Variants in EML6 observed in about 807,000 individuals in gnomAD.
EML6 encodes EMAP like 6.
EML6 carries 154 observed loss-of-function variants against 240.1 expected under a neutral mutation model. The ratio of observed to expected loss-of-function variants is 0.64; its 90% CI spans 0.56 to 0.73. The LOEUF is 0.73. EML6 is among the 30% of genes least tolerant of loss of function. The probability of loss-of-function intolerance (pLI) is 0.00; values close to 1 mark genes in which losing one functional copy is unlikely to be tolerated. For synonymous variants in EML6, 1,148 were observed against 899.0 expected (o/e 1.28, Z -4.95); for missense variants, 2,964 against 2,474.6 (o/e 1.20, Z -4.20).
intron 2 of EML6, among the ~76,000 whole-genome samples, chr2:54,734,230 C>T (rs1391573996): frequency 2.0e-5 from 3 of 152,160 alleles, no homozygotes; most frequent in Non-Finnish European, 2.9e-5. Context: ...CCCAGCTACT[C>T]AAGAGGCTGA....
In EML6 at chr2:54,895,186, C is replaced by T. The variant is rs543338304; in HGVS notation, c.2855-87C>T. ...AATGTCAAGGCTGACTGCCTAGTACCTAGTTCTTTGGAGCTATAAAAATTG... is the reference window on the plus strand; with the variant it reads ...AATGTCAAGGCTGACTGCCTAGTACTTAGTTCTTTGGAGCTATAAAAATTG... On this transcript the variant is annotated intron_variant, in intron 20 of 41. Transcript: ENST00000356458. 12 of 1,437,618 alleles carry T rather than the reference C, an allele frequency of 8.3e-6. No homozygotes were observed. The South Asian group carries it at 1.5e-4, about 18-fold the overall frequency. 89.1% of individuals were successfully genotyped at this position (1,437,618 alleles called of 1,614,324 possible).
intron 18 of EML6, among the ~76,000 whole-genome samples, chr2:54,892,096 C>G (rs977426765): frequency 2.0e-5 from 3 of 152,180 alleles, no homozygotes; most frequent in Non-Finnish European, 1.5e-5. Context: ...TTTCTCTTGG[C>G]TGACACAGAA....
chr2:54,837,518 G>A (rs1473378812), intron 7 of EML6, among the ~76,000 whole-genome samples: 1 of 152,142 alleles, frequency 6.6e-6, no homozygotes, highest in Non-Finnish European at 1.5e-5. Flanking sequence ...CCACCTGCAG[G>A]GCTTGCTTGT....
At chr2:54,727,148 T>C (rs1682943010) in intron 2 of EML6, among the ~76,000 whole-genome samples, 1 of 152,208 alleles carries the variant, frequency 6.6e-6, no homozygotes, top group South Asian at 2.1e-4. Flanking sequence ...GTGATGTGTA[T>C]AACTGGGTTT....
chr2:54,751,616 A>C (rs539576489), intron 2 of EML6, among the ~76,000 whole-genome samples: 1 of 152,342 alleles, frequency 6.6e-6, no homozygotes, highest in East Asian at 1.9e-4. Flanking sequence ...TATCCTTATC[A>C]AACTTTAGAC....
intron 32 of EML6, among the ~76,000 whole-genome samples, chr2:54,954,393 G>A (rs772428325): frequency 2.0e-5 from 3 of 152,168 alleles, no homozygotes; most frequent in Non-Finnish European, 4.4e-5. Flanking sequence ...CATTAGTGAA[G>A]GGGCTCTGAG....
chr2:54,836,591 G>A (rs558840867), intron 7 of EML6, among the ~76,000 whole-genome samples: 1 of 152,140 alleles, frequency 6.6e-6, no homozygotes, highest in East Asian at 1.9e-4. Context: ...ACTCTGTGGT[G>A]GCCTTTGTGG....
intron 2 of EML6, among the ~76,000 whole-genome samples, chr2:54,768,685 C>G (rs971037781): frequency 1.3e-5 from 2 of 152,126 alleles, no homozygotes; most frequent in Non-Finnish European, 2.9e-5. Flanking sequence ...TGATCTTGGG[C>G]AAGCCATTAT....
intron 2 of EML6, among the ~76,000 whole-genome samples, chr2:54,811,772 T>A (rs1267634074): frequency 6.6e-6 from 1 of 152,214 alleles, no homozygotes; most frequent in Non-Finnish European, 1.5e-5. Flanking sequence ...CTAGGTACTT[T>A]GAAATACCAG....
intron 17 of EML6, chr2:54,880,413 A>T (rs1271966560): frequency 6.6e-6 from 1 of 152,178 alleles, no homozygotes; most frequent in Non-Finnish European, 1.5e-5. Context: ...TTTTGAAGTT[A>T]ATAGCCTTGA....
Position 54,866,950 on chromosome 2 carries a change from G to A in EML6, c.2051+66G>A, listed in dbSNP as rs1023299820. On this transcript the variant is annotated intron_variant, in intron 14 of 41. Coordinates refer to ENST00000356458, the MANE Select transcript of EML6 (RefSeq NM_001039753.4). The stretch of plus-strand genomic sequence containing the variant: ...CTCTGCCTGGCTGTCACCAACCTTA[G>A]CACCAGGCTTAAGGGATCCCCTCCC... 8 of 934,610 alleles carry A rather than the reference G, an allele frequency of 8.6e-6. No homozygotes were observed. In the Admixed American group the frequency reaches 1.5e-4, roughly 17 times the overall value. The allele number at this position is 934,610 out of a possible 1,614,324, so 57.9% of individuals were successfully genotyped here. A position where few individuals can be genotyped will look rare whatever the true frequency, so the allele number is the denominator to read the frequency against.
chr2:54,792,244 G>A (rs191014192), intron 2 of EML6, among the ~76,000 whole-genome samples: 1 of 152,144 alleles, frequency 6.6e-6, no homozygotes, highest in African/African-American at 2.4e-5. Flanking sequence ...AATGGGTCTC[G>A]ATATATTTTG....
chr2:54,817,754 G>A (rs1460323132), intron 4 of EML6, among the ~76,000 whole-genome samples: 1 of 151,978 alleles, frequency 6.6e-6, no homozygotes, highest in African/African-American at 2.4e-5. Context: ...CATGTAGAAT[G>A]AGGCTCTAAT....
chr2:54,855,101 G>C (rs559567872), intron 11 of EML6, among the ~76,000 whole-genome samples: 5 of 152,176 alleles, frequency 3.3e-5, no homozygotes, highest in Non-Finnish European at 7.3e-5. Flanking sequence ...AGAAAAGAAA[G>C]CATGTGTTAG....
chr2:54,905,478 A>AG (rs1241834253), intron 24 of EML6, among the ~76,000 whole-genome samples: 1 of 152,056 alleles, frequency 6.6e-6, no homozygotes, highest in African/African-American at 2.4e-5. Flanking sequence ...CAGAGAAAAG[A>AG]GGGTATATAT....
rs1039533695 is a variant in EML6 at position 54,725,310 on chromosome 2, A to G, written c.197+52A>G. On this transcript the variant is annotated intron_variant, in intron 2 of 41. Coordinates refer to ENST00000356458, the MANE Select transcript of EML6 (RefSeq NM_001039753.4). The surrounding 1 kb of genome is among the most constrained non-coding windows in gnomAD (Gnocchi z 4.3). ...GAGGGGTTGCGTGTGGAGGCTGGGAAGGTGGGAAGCGGTTGACCTGGGGTC... is the reference window on the plus strand; with the variant it reads ...GAGGGGTTGCGTGTGGAGGCTGGGAGGGTGGGAAGCGGTTGACCTGGGGTC... 6 of 1,335,526 alleles carry G rather than the reference A, an allele frequency of 4.5e-6. No homozygotes were observed. In the African/African-American group the frequency reaches 7.7e-5, roughly 17 times the overall value. The allele number at this position is 1,335,526 out of a possible 1,614,324, so 82.7% of individuals were successfully genotyped here. A position where few individuals can be genotyped will look rare whatever the true frequency, so the allele number is the denominator to read the frequency against.
At chr2:54,745,033 C>A (rs1327569560) in intron 2 of EML6, among the ~76,000 whole-genome samples, 2 of 151,506 alleles carry the variant, frequency 1.3e-5, no homozygotes, top group Admixed American at 1.3e-4. Context: ...AGAAGAGGGC[C>A]TGCCTGCCTG....
At chr2:54,863,994 G>C (rs939726462) in intron 13 of EML6, 105 bp downstream of exon 13, 8 of 633,926 alleles carry the variant, frequency 1.3e-5, no homozygotes, top group Non-Finnish European at 2.1e-5. Context: ...AAAGAGAATT[G>C]AGGCAAAAAC....
intron 16 of EML6, among the ~76,000 whole-genome samples, chr2:54,878,970 A>G (rs541037505): frequency 6.6e-6 from 1 of 152,376 alleles, no homozygotes; most frequent in African/African-American, 2.4e-5. Context: ...TAACAAGTAC[A>G]CTACATTTGA....
Sources: allele counts gnomAD v4.1 joint callset (sites outside exome capture counted in the v4.1 genomes callset), GRCh38; gene constraint gnomAD v4.1.1; non-coding constraint Gnocchi (gnomAD v3.1); transcripts MANE v1.5; gene names NCBI Gene and HGNC (gene_info 2026-07-23, HGNC 2026-07-21).